The following AFF3 variants were observed in gnomAD, a reference collection of about 807,000 sequenced individuals.
The protein encoded by AFF3 is AF4/FMR2 family member 3.
In AFF3, 32 loss-of-function variants were observed where a neutral mutation model predicts 129.7. The observed-to-expected ratio is 0.25, with a 90% CI of 0.19 to 0.33. AFF3 has a LOEUF of 0.33. AFF3 is among the 10% of genes least tolerant of loss of function. The pLI, the probability that AFF3 is intolerant of heterozygous loss-of-function variation, is 1.00. For synonymous variants in AFF3, 644 were observed against 635.4 expected (o/e 1.01, Z -0.20); for missense variants, 1,373 against 1,592.0 (o/e 0.86, Z 2.34).
At chr2:100,055,635 G>A (rs1686708463) in intron 4 of AFF3, among the ~76,000 whole-genome samples, 1 of 152,126 alleles carries the variant, frequency 6.6e-6, no homozygotes, top group Non-Finnish European at 1.5e-5. Context: ...CTAGGCCAGA[G>A]ATCAGCAAAC....
intron 4 of AFF3, among the ~76,000 whole-genome samples, chr2:100,057,966 C>T (rs1431663057): frequency 6.6e-6 from 1 of 152,162 alleles, no homozygotes; most frequent in Admixed American, 6.5e-5. Context: ...TCTCAAATAG[C>T]TTGAGTAAAT....
intron 12 of AFF3, among the ~76,000 whole-genome samples, chr2:99,657,090 C>T (rs1488480397): frequency 6.6e-6 from 1 of 152,100 alleles, no homozygotes; most frequent in East Asian, 1.9e-4. Context: ...TGCTTATAAA[C>T]CCTGTTAAAT....
At chr2:100,126,752 A>G (rs1417950583) in intron 2 of AFF3, among the ~76,000 whole-genome samples, 2 of 152,242 alleles carry the variant, frequency 1.3e-5, no homozygotes, top group South Asian at 2.1e-4. Flanking sequence ...ATTTTTTAAT[A>G]AAATGTAGTC....
chr2:99,630,251 C>T (rs1683002974), intron 13 of AFF3, among the ~76,000 whole-genome samples: 1 of 152,180 alleles, frequency 6.6e-6, no homozygotes, highest in Non-Finnish European at 1.5e-5. Context: ...ATGAAGCTTG[C>T]AAAGGGGGAG....
At chr2:99,767,127 CCAAA>C (rs1389754433) in intron 8 of AFF3, among the ~76,000 whole-genome samples, 10 of 152,178 alleles carry the variant, frequency 6.6e-5, no homozygotes, top group African/African-American at 2.4e-4. Context: ...ATGCGTTCAA[CCAAA>C]CACACATTTA....
intron 7 of AFF3, among the ~76,000 whole-genome samples, chr2:99,929,066 A>G (rs922462035): frequency 6.6e-6 from 1 of 152,262 alleles, no homozygotes; most frequent in Non-Finnish European, 1.5e-5. Context: ...TTGGACAATT[A>G]TTTAAGAAAT....
chr2:99,769,701 G>A (rs1028806294), intron 8 of AFF3, among the ~76,000 whole-genome samples: 2 of 152,206 alleles, frequency 1.3e-5, no homozygotes, highest in African/African-American at 2.4e-5. Context: ...ATCTGCATTA[G>A]GGGGCACCCC....
chr2:99,689,656 CAAAAAAAAAA>C (rs60965683), intron 11 of AFF3, among the ~76,000 whole-genome samples: 4 of 57,284 alleles, frequency 7.0e-5, no homozygotes, highest in Admixed American at 2.4e-4. Context: ...TATTTAATTG[CAAAAAAAAAA>C]AAAAAAAAAA....
At chr2:99,659,974 C>T (rs1008367036) in intron 12 of AFF3, among the ~76,000 whole-genome samples, 1 of 152,174 alleles carries the variant, frequency 6.6e-6, no homozygotes, top group African/African-American at 2.4e-5. Context: ...ACTCATCTCA[C>T]AGGGCAATTT....
In AFF3 at chr2:99,667,983, C is replaced by T. The variant is rs182338784; in HGVS notation, c.1143+4555G>A. ...CATCCTGGCTAACACAGTGAAACCCCGTCTCTACTAAAAAAATATAAAAAA... is the reference window on the plus strand; with the variant it reads ...CATCCTGGCTAACACAGTGAAACCCTGTCTCTACTAAAAAAATATAAAAAA... On this transcript the variant is annotated intron_variant, in intron 12 of 24. Transcript: ENST00000672756. Among the ~76,000 whole-genome samples, 28 of 151,846 alleles carry T rather than the reference C, an allele frequency of 1.8e-4. No individual in the cohort carries two copies. In the East Asian group the frequency reaches 4.5e-3, roughly 25 times the overall value.
At chr2:99,655,007 A>C (rs1457796316) in intron 12 of AFF3, among the ~76,000 whole-genome samples, 5 of 152,116 alleles carry the variant, frequency 3.3e-5, no homozygotes, top group African/African-American at 7.2e-5. Context: ...GAGGAAAACA[A>C]AGGGAGAGGC....
chr2:99,549,295 A>G lies in AFF3; in HGVS notation c.*2179T>C, dbSNP rs1361468597. The G allele has an allele frequency of 5.0e-6, 1 of 198,980 alleles. No homozygotes were observed. The highest frequency in any genetic ancestry group is 2.3e-5 in the African/African-American group (1 of 43,474). 12.3% of individuals were successfully genotyped at this position (198,980 alleles called of 1,614,324 possible). A position where few individuals can be genotyped will look rare whatever the true frequency, so the allele number is the denominator to read the frequency against. On this transcript the variant is annotated 3_prime_UTR_variant, in exon 25 of 25. Coordinates refer to ENST00000672756, the MANE Select transcript of AFF3 (RefSeq NM_001386135.1). Reference sequence around the variant, plus strand: ...GGGATTGTGAACTCTGCCAAAAATTAGTGAAAGGGCTGGGTGTGGTGGCTC... The same window carrying G: ...GGGATTGTGAACTCTGCCAAAAATTGGTGAAAGGGCTGGGTGTGGTGGCTC...
At chr2:99,713,014 T>C (rs933597711) in intron 11 of AFF3, among the ~76,000 whole-genome samples, 1 of 152,152 alleles carries the variant, frequency 6.6e-6, no homozygotes, top group Non-Finnish European at 1.5e-5. Context: ...TGATTCCACT[T>C]ATATGAGGTC....
chr2:99,872,033 C>A (rs916978678), intron 7 of AFF3, among the ~76,000 whole-genome samples: 1 of 151,562 alleles, frequency 6.6e-6, no homozygotes, highest in Admixed American at 6.6e-5. Flanking sequence ...GGTAAAACCC[C>A]ATCTCTACTA....
At chr2:99,988,467 C>A (rs1251285191) in intron 7 of AFF3, among the ~76,000 whole-genome samples, 1 of 152,122 alleles carries the variant, frequency 6.6e-6, no homozygotes, top group Non-Finnish European at 1.5e-5. Flanking sequence ...TGTAAAGGGT[C>A]CTGTATGCCG....
chr2:99,973,661 T>C (rs1678604381), intron 7 of AFF3, among the ~76,000 whole-genome samples: 1 of 152,192 alleles, frequency 6.6e-6, no homozygotes, highest in Non-Finnish European at 1.5e-5. Flanking sequence ...TTCAATGTTT[T>C]CCCCTTTTTA....
chr2:100,005,024 A>T (rs866413670), intron 7 of AFF3, among the ~76,000 whole-genome samples: 8 of 152,324 alleles, frequency 5.3e-5, no homozygotes, highest in Middle Eastern at 3.4e-3. Flanking sequence ...GAAATGGAAC[A>T]CTTCCCATAG....
rs760176900 is a variant in AFF3 at position 99,593,602 on chromosome 2, C to T, written c.2059G>A (p.Glu687Lys). The part of the protein sequence containing the change: ...SDSDLESEQE[E>K]YPLSKAQTVA... ...GTCTGTGCTTTGGACAGAGGGTACT[C>T]CTCCTGCTCGGACTCCAGGTCGGAG... is the stretch of plus-strand genomic sequence containing the variant. The change falls in exon 15 of 25, where the codon GAG (glutamate) becomes AAG (lysine). Residue 687 changes from glutamate to lysine, a missense_variant. Transcript: ENST00000672756. 6.2e-7 allele frequency: 1 copy of T among 1,612,206 alleles called. No individual in the cohort carries two copies. Among genetic ancestry groups the T allele is most frequent in the South Asian group, 1.1e-5 (1 of 91,068 alleles).
intron 11 of AFF3, among the ~76,000 whole-genome samples, chr2:99,724,724 G>C (rs145533347): frequency 1.3e-5 from 2 of 152,110 alleles, no homozygotes; most frequent in African/African-American, 4.8e-5. Context: ...CTCTTTATCC[G>C]TAATGTACTG....
Sources: gnomAD v4.1 joint callset for allele counts (sites outside exome capture counted in the v4.1 genomes callset) on GRCh38, gnomAD v4.1.1 for gene constraint, MANE v1.5 for transcripts, NCBI Gene and HGNC (gene_info 2026-07-23, HGNC 2026-07-21) for gene names.